Variants in AGBL1 observed in about 807,000 individuals in gnomAD.
The protein encoded by AGBL1 is AGBL carboxypeptidase 1.
Under a neutral mutation model 118.9 loss-of-function variants are expected in AGBL1, and 130 were observed. The observed-to-expected ratio is 1.09, with a 90% confidence interval of 0.95 to 1.26. AGBL1 has a LOEUF of 1.26. Ranked by LOEUF, AGBL1 falls within the 50% of genes most tolerant of loss-of-function variation. The pLI is 0.00. For missense variants in AGBL1, 1,584 were observed against 1,298.1 expected (o/e 1.22, Z -3.38); for synonymous variants, 555 against 478.9 (o/e 1.16, Z -2.08).
intron 22 of AGBL1, among the ~76,000 whole-genome samples, chr15:86,847,436 G>GT (rs1013820391): frequency 6.6e-6 from 1 of 152,128 alleles, no homozygotes. Flanking sequence ...CTTTTGTTTT[G>GT]TTTTTTGGTA....
chr15:86,904,856 T>C lies in AGBL1; in HGVS notation c.3159-2231T>C, dbSNP rs1038930918. 3.4e-4 allele frequency among the ~76,000 whole-genome samples: 51 copies of C among 152,226 alleles called. 1 individual carries two copies. The highest frequency in any genetic ancestry group is 1.2e-3 in the Admixed American group (19 of 15,286). On this transcript the variant is annotated intron_variant, in intron 22 of 22. Coordinates refer to ENST00000614907, the MANE Select transcript of AGBL1 (RefSeq NM_001386094.1). ...TATATACCCCTGTTATATGTTCAATTCAGCAACTCTTTATTGCATGTCTAG... is the reference window on the plus strand; with the variant it reads ...TATATACCCCTGTTATATGTTCAATCCAGCAACTCTTTATTGCATGTCTAG...
chr15:86,386,761 A>G lies in AGBL1; in HGVS notation c.2375-10605A>G, dbSNP rs2081202598. On this transcript the variant is annotated intron_variant, in intron 17 of 22. Coordinates refer to ENST00000614907, the MANE Select transcript of AGBL1 (RefSeq NM_001386094.1). The stretch of plus-strand genomic sequence containing the variant: ...CAAGCCTGGGACCTTCATAGTACTT[A>G]CATGATGTTATTGTCTCCCTTCTCC... Among the ~76,000 whole-genome samples, 4 of 152,158 alleles carry G rather than the reference A, an allele frequency of 2.6e-5. No individual in the cohort carries two copies. In the South Asian group the frequency reaches 8.3e-4, roughly 32 times the overall value.
intron 15 of AGBL1, among the ~76,000 whole-genome samples, chr15:86,275,683 T>C (rs2079239632): frequency 6.6e-6 from 1 of 152,186 alleles, no homozygotes; most frequent in Non-Finnish European, 1.5e-5. Context: ...GTTCAGGCAA[T>C]GGAAAGGCAA....
chr15:86,370,721 T>C (rs1450771871), intron 17 of AGBL1, among the ~76,000 whole-genome samples: 1 of 152,218 alleles, frequency 6.6e-6, no homozygotes, highest in Non-Finnish European at 1.5e-5. Context: ...TCCATCTTTC[T>C]TACCGTAGCA....
At chr15:86,712,963 C>T (rs1022748799) in intron 22 of AGBL1, among the ~76,000 whole-genome samples, 14 of 152,082 alleles carry the variant, frequency 9.2e-5, no homozygotes, top group African/African-American at 3.1e-4. Context: ...CAATTGCCAC[C>T]CCCTTCCTAT....
At chr15:86,981,741 G>A (rs568916610) in intron 23 of AGBL1, among the ~76,000 whole-genome samples, 44 of 152,080 alleles carry the variant, frequency 2.9e-4, no homozygotes, top group South Asian at 6.2e-4. Flanking sequence ...ATATCTCCCC[G>A]TTAAGCCAGC....
At chr15:86,698,993 T>A (rs182756982) in intron 22 of AGBL1, among the ~76,000 whole-genome samples, 8 of 152,150 alleles carry the variant, frequency 5.3e-5, no homozygotes, top group Middle Eastern at 3.4e-3. Flanking sequence ...TCATTAAAAG[T>A]CTCTATAACT....
At chr15:86,212,045 C>A (rs572588824) in intron 5 of AGBL1, among the ~76,000 whole-genome samples, 1 of 152,244 alleles carries the variant, frequency 6.6e-6, no homozygotes, top group South Asian at 2.1e-4. Flanking sequence ...AAAGGCTTGT[C>A]TTTGTAGTAC....
intron 5 of AGBL1, among the ~76,000 whole-genome samples, chr15:86,204,937 T>C (rs183424986): frequency 1.3e-5 from 2 of 152,260 alleles, no homozygotes; most frequent in East Asian, 3.9e-4. Context: ...CCAAAGTCCA[T>C]AGTTTACATC....
chr15:86,816,935 T>C (rs2078865417), intron 22 of AGBL1, among the ~76,000 whole-genome samples: 2 of 152,182 alleles, frequency 1.3e-5, no homozygotes, highest in Admixed American at 6.6e-5. Context: ...CATTGTATAA[T>C]TGAGGTCTCA....
intron 15 of AGBL1, among the ~76,000 whole-genome samples, chr15:86,278,623 C>T (rs571464448): frequency 1.2e-3 from 178 of 152,294 alleles, no homozygotes; most frequent in African/African-American, 4.1e-3. Context: ...ACTATTTCTT[C>T]CCTTCCCCTT....
intron 19 of AGBL1, among the ~76,000 whole-genome samples, chr15:86,544,722 C>T (rs956542894): frequency 1.3e-5 from 2 of 152,136 alleles, no homozygotes; most frequent in African/African-American, 4.8e-5. Context: ...CCACCCTTGA[C>T]ATGTGGAGAT....
chr15:86,972,147 G>C (rs1300303344), intron 23 of AGBL1, among the ~76,000 whole-genome samples: 2 of 151,954 alleles, frequency 1.3e-5, no homozygotes, highest in Non-Finnish European at 2.9e-5. Flanking sequence ...CATTTACCCT[G>C]GATAAGACCT....
intron 18 of AGBL1, among the ~76,000 whole-genome samples, chr15:86,514,674 C>A (rs953137988): frequency 4.0e-5 from 6 of 151,878 alleles, no homozygotes; most frequent in African/African-American, 1.5e-4. Flanking sequence ...TGTCACTTGC[C>A]CCTCAGTCTT....
In AGBL1 at chr15:86,642,505, A is replaced by T. The variant is rs558190501; in HGVS notation, c.2995-31768A>T. Among the ~76,000 whole-genome samples the T allele has an allele frequency of 8.6e-5, 13 of 151,974 alleles. 1 individual carries two copies. The highest frequency in any genetic ancestry group is 3.1e-4 in the African/African-American group (13 of 41,492). ...CTGTTAGTTTACAGTGAATTCTTTT[A>T]AAAAAAATTGTGTTAAAGAGTATTC... is the stretch of plus-strand genomic sequence containing the variant. On this transcript the variant is annotated intron_variant, in intron 21 of 22. Transcript: ENST00000614907.
intron 5 of AGBL1, among the ~76,000 whole-genome samples, chr15:86,189,013 G>T (rs1201269279): frequency 1.3e-5 from 2 of 152,030 alleles, no homozygotes; most frequent in African/African-American, 4.8e-5. Flanking sequence ...ACAATTATAT[G>T]GAAAAAAGCC....
At chr15:86,614,543 A>G (rs2084697163) in intron 21 of AGBL1, among the ~76,000 whole-genome samples, 1 of 152,150 alleles carries the variant, frequency 6.6e-6, no homozygotes, top group South Asian at 2.1e-4. Context: ...ACAGGTTTGA[A>G]ATGAGCTTTG....
At chr15:86,860,122 C>A (rs2079540821) in intron 22 of AGBL1, among the ~76,000 whole-genome samples, 1 of 152,140 alleles carries the variant, frequency 6.6e-6, no homozygotes, top group Non-Finnish European at 1.5e-5. Flanking sequence ...TAGTCATTCA[C>A]CGACTGTAAA....
intron 18 of AGBL1, among the ~76,000 whole-genome samples, chr15:86,468,913 G>A (rs2082441681): frequency 6.6e-6 from 1 of 152,120 alleles, no homozygotes; most frequent in African/African-American, 2.4e-5. Flanking sequence ...AGGCAGAGGG[G>A]CCTATGATTG....
Sources: allele counts gnomAD v4.1 joint callset (sites outside exome capture counted in the v4.1 genomes callset), GRCh38; gene constraint gnomAD v4.1.1; transcripts MANE v1.5; gene names NCBI Gene and HGNC (gene_info 2026-07-23, HGNC 2026-07-21).